Variants in PPARA observed in about 807,000 individuals in gnomAD.
PPARA encodes peroxisome proliferator-activated receptor alpha.
PPARA carries 22 observed loss-of-function variants against 42.2 expected under a neutral mutation model. The observed-to-expected ratio is 0.52, with a 90% CI of 0.37 to 0.74. The LOEUF (loss-of-function observed/expected upper bound fraction) is 0.74. PPARA is among the 30% of genes least tolerant of loss of function. The pLI is 0.00. For missense variants in PPARA, 465 were observed against 608.2 expected, an observed-to-expected ratio of 0.76 and a Z score of 2.48; for synonymous variants, 242 against 239.3, an observed-to-expected ratio of 1.01 and a Z score of -0.10.
rs1051742660 is a variant in PPARA, at chr22:46,162,154, G to A, written c.-127+10184G>A. Among the ~76,000 whole-genome samples, 3 of 152,182 alleles carry A rather than the reference G, an allele frequency of 2.0e-5. No homozygotes were observed. The highest frequency in any genetic ancestry group is 2.9e-5 in the Non-Finnish European group (2 of 68,022). On this transcript the variant is annotated intron_variant, in intron 2 of 8. Coordinates refer to ENST00000407236, the MANE Select transcript of PPARA (RefSeq NM_005036.6). This position sits in a 1 kb window ranked among gnomAD's most constrained non-coding sequence, Gnocchi z 6.0. ...AGACAGATTTTTCAGCTGGCCTGTGGCTCAGTTTCCCTCAGCTACAAGAGG... is the reference window on the plus strand; with the variant it reads ...AGACAGATTTTTCAGCTGGCCTGTGACTCAGTTTCCCTCAGCTACAAGAGG...
intron 3 of PPARA, among the ~76,000 whole-genome samples, chr22:46,197,729 C>A (rs1265235199): frequency 6.6e-6 from 1 of 151,512 alleles, no homozygotes; most frequent in Non-Finnish European, 1.5e-5. Flanking sequence ...TGGTAAAAAC[C>A]CGTCTCTACT....
rs1329165814 is a variant in PPARA, at chr22:46,216,668, G to A, written c.369+1335G>A. Among the ~76,000 whole-genome samples the A allele has an allele frequency of 6.6e-6, 1 of 152,156 alleles. No individual in the cohort carries two copies. The highest frequency in any genetic ancestry group is 1.5e-5 in the Non-Finnish European group (1 of 68,026). ...AGGGGCTTCTCCACCTGATTCAAGCGACAGGAACCCCCTGTGCATCTTCAT... is the reference window on the plus strand; with the variant it reads ...AGGGGCTTCTCCACCTGATTCAAGCAACAGGAACCCCCTGTGCATCTTCAT... On this transcript the variant is annotated intron_variant, in intron 5 of 8. Transcript: ENST00000407236. This position sits in a 1 kb window ranked among gnomAD's most constrained non-coding sequence, Gnocchi z 4.5.
At chr22:46,153,101 A>C (rs947055698) in intron 2 of PPARA, among the ~76,000 whole-genome samples, 1 of 152,056 alleles carries the variant, frequency 6.6e-6, no homozygotes, top group Non-Finnish European at 1.5e-5. Context: ...TAAATAAATA[A>C]AATAAAATTA....
chr22:46,205,548 A>ATTTT (rs1569226218), intron 4 of PPARA, among the ~76,000 whole-genome samples: 1 of 29,436 alleles, frequency 3.4e-5, no homozygotes, highest in Non-Finnish European at 5.8e-5. Flanking sequence ...ATATATATAT[A>ATTTT]TATATATTTT....
chr22:46,214,389 CAGG>C (rs1934239925), intron 4 of PPARA, among the ~76,000 whole-genome samples: 1 of 147,194 alleles, frequency 6.8e-6, no homozygotes, highest in African/African-American at 2.5e-5. Context: ...ATGTGCGGAT[CAGG>C]AGAAGTGCCA....
chr22:46,212,588 G>C lies in PPARA; in HGVS notation c.209-2585G>C, dbSNP rs1463078698. 6.6e-6 allele frequency among the ~76,000 whole-genome samples: 1 copy of C among 152,074 alleles called. No homozygotes were observed. The highest frequency in any genetic ancestry group is 2.4e-5 in the African/African-American group (1 of 41,386). On this transcript the variant is annotated intron_variant, in intron 4 of 8. Coordinates refer to ENST00000407236, the MANE Select transcript of PPARA (RefSeq NM_005036.6). This position sits in a 1 kb window ranked among gnomAD's most constrained non-coding sequence, Gnocchi z 4.2. ...TAAGAGTCATCCATGTCTTTCCATG[G>C]CTTGATATCTCATTTCTTTTTACAC...
At chr22:46,169,285 G>A (rs1601627651) in intron 2 of PPARA, among the ~76,000 whole-genome samples, 1 of 151,776 alleles carries the variant, frequency 6.6e-6, no homozygotes. Flanking sequence ...TGACGGAGGG[G>A]GTGCAGTGGC....
At chr22:46,181,075 G>A (rs1929888557) in intron 3 of PPARA, among the ~76,000 whole-genome samples, 1 of 151,504 alleles carries the variant, frequency 6.6e-6, no homozygotes, top group Non-Finnish European at 1.5e-5. Flanking sequence ...ACCCAGAGGG[G>A]CTGGGGACAG....
rs779162455 is a variant in PPARA at position 46,161,943 on chromosome 22, TG to T, written c.-127+9976del. On this transcript the variant is annotated intron_variant, in intron 2 of 8. Coordinates refer to ENST00000407236, the MANE Select transcript of PPARA (RefSeq NM_005036.6). This position sits in a 1 kb window ranked among gnomAD's most constrained non-coding sequence, Gnocchi z 4.8. ...ACCCACCCGCCTTCCAGATGTCACCTGGGCCCTCCCGGAGGCCCTCGCCCTC... is the reference window on the plus strand; with the variant it reads ...ACCCACCCGCCTTCCAGATGTCACCTGGCCCTCCCGGAGGCCCTCGCCCTC... Among the ~76,000 whole-genome samples the T allele has an allele frequency of 6.6e-6, 1 of 152,184 alleles. No homozygotes were observed.
chr22:46,194,646 A>G (rs565706487), intron 3 of PPARA, among the ~76,000 whole-genome samples: 98 of 139,758 alleles, frequency 7.0e-4, no homozygotes, highest in Middle Eastern at 8.0e-3. Context: ...ATCTCAGCTC[A>G]TTGCAACTTC....
At chr22:46,166,859 A>G (rs1340847144) in intron 2 of PPARA, among the ~76,000 whole-genome samples, 1 of 152,218 alleles carries the variant, frequency 6.6e-6, no homozygotes, top group African/African-American at 2.4e-5. Flanking sequence ...CAGCATGCCT[A>G]CTTGTAGAAT....
In PPARA at chr22:46,190,845, T is replaced by A. The variant is rs1931441529; in HGVS notation, c.-42-7497T>A. ...CACATAGAATATAAAGATGTTTTGATAGTTGGGACAGTATTCAGCTACCTG... is the reference window on the plus strand; with the variant it reads ...CACATAGAATATAAAGATGTTTTGAAAGTTGGGACAGTATTCAGCTACCTG... On this transcript the variant is annotated intron_variant, in intron 3 of 8. Transcript: ENST00000407236. This position sits in a 1 kb window ranked among gnomAD's most constrained non-coding sequence, Gnocchi z 5.6. Among the ~76,000 whole-genome samples the A allele has an allele frequency of 6.6e-6, 1 of 152,158 alleles. No homozygotes were observed. Among genetic ancestry groups the A allele is most frequent in the Non-Finnish European group, 1.5e-5 (1 of 68,020 alleles).
Position 46,162,433 on chromosome 22 carries a change from G to T in PPARA, c.-127+10463G>T, listed in dbSNP as rs546661670. On this transcript the variant is annotated intron_variant, in intron 2 of 8. Coordinates refer to ENST00000407236, the MANE Select transcript of PPARA (RefSeq NM_005036.6). This position sits in a 1 kb window ranked among gnomAD's most constrained non-coding sequence, Gnocchi z 6.0. ...ACACACTCCCTTACCCTCATACCCCGCCGCACCCCTGTGACCTCTACCTTT... is the reference window on the plus strand; with the variant it reads ...ACACACTCCCTTACCCTCATACCCCTCCGCACCCCTGTGACCTCTACCTTT... 3.3e-5 allele frequency among the ~76,000 whole-genome samples: 5 copies of T among 152,116 alleles called. No homozygotes were observed. The highest frequency in any genetic ancestry group is 7.4e-5 in the Non-Finnish European group (5 of 68,024).
chr22:46,152,744 A>G (rs529118315), intron 2 of PPARA, among the ~76,000 whole-genome samples: 1 of 152,342 alleles, frequency 6.6e-6, no homozygotes, highest in African/African-American at 2.4e-5. Flanking sequence ...ATGAGAGACC[A>G]GGGACACTGG....
Position 46,188,393 on chromosome 22 carries a change from A to G in PPARA, c.-42-9949A>G, listed in dbSNP as rs958529807. ...ACCCTCCTTTCTGTTGGGTTTTCCT[A>G]TGGAATATCCAGTCAGCCTTTAGGA... is the stretch of plus-strand genomic sequence containing the variant. On this transcript the variant is annotated intron_variant, in intron 3 of 8. Transcript: ENST00000407236. The surrounding 1 kb of genome is among the most constrained non-coding windows in gnomAD (Gnocchi z 5.0). Among the ~76,000 whole-genome samples the G allele has an allele frequency of 4.6e-5, 7 of 151,952 alleles. No individual in the cohort carries two copies. The highest frequency in any genetic ancestry group is 4.6e-4 in the Admixed American group (7 of 15,252).
rs1926955431 is a variant in PPARA at position 46,165,776 on chromosome 22, G to A, written c.-126-10977G>A. ...GCAGAAGCAAGTGAATATCCTTCTG[G>A]AGGAACAGAGCCTCATCCTAGGCCT... On this transcript the variant is annotated intron_variant, in intron 2 of 8. Coordinates refer to ENST00000407236, the MANE Select transcript of PPARA (RefSeq NM_005036.6). This position sits in a 1 kb window ranked among gnomAD's most constrained non-coding sequence, Gnocchi z 5.5. Among the ~76,000 whole-genome samples, 1 of 152,316 alleles carries A rather than the reference G, an allele frequency of 6.6e-6. No individual in the cohort carries two copies. The highest frequency in any genetic ancestry group is 2.1e-4 in the South Asian group (1 of 4,830).
rs1936368106 is a variant in PPARA at position 46,241,456 on chromosome 22, G to A, written c.*6076G>A. 6.6e-6 allele frequency: 1 copy of A among 152,202 alleles called. No homozygotes were observed. Among genetic ancestry groups the A allele is most frequent in the Non-Finnish European group, 1.5e-5 (1 of 68,040 alleles). 9.4% of individuals were successfully genotyped at this position (152,202 alleles called of 1,614,324 possible). A position where few individuals can be genotyped will look rare whatever the true frequency, so the allele number is the denominator to read the frequency against. ...TAATGATTTCCATTACGCTATTTCT[G>A]TGAAATGCAGCAGGTTCTTAAACGT... On this transcript the variant is annotated 3_prime_UTR_variant, in exon 9 of 9. Coordinates refer to ENST00000407236, the MANE Select transcript of PPARA (RefSeq NM_005036.6). The surrounding 1 kb of genome is among the most constrained non-coding windows in gnomAD (Gnocchi z 5.7).
intron 3 of PPARA, among the ~76,000 whole-genome samples, chr22:46,179,306 C>A (rs1255060368): frequency 1.3e-5 from 2 of 152,054 alleles, no homozygotes; most frequent in South Asian, 2.1e-4. Flanking sequence ...GCTTGATAAT[C>A]AAAAATTAAT....
intron 2 of PPARA, chr22:46,175,962 C>G (rs192272519): frequency 1.8e-4 from 27 of 152,148 alleles, no homozygotes; most frequent in African/African-American, 6.5e-4. Flanking sequence ...GTACAGGTTT[C>G]TTGGTTTTCT....
Sources: allele counts gnomAD v4.1 joint callset (sites outside exome capture counted in the v4.1 genomes callset), GRCh38; gene constraint gnomAD v4.1.1; non-coding constraint Gnocchi (gnomAD v3.1); transcripts MANE v1.5; gene names NCBI Gene and HGNC (gene_info 2026-07-23, HGNC 2026-07-21).